Variants in POLA2 observed in about 807,000 individuals in gnomAD.
POLA2 encodes the protein DNA polymerase alpha subunit B.
POLA2 carries 47 observed loss-of-function variants against 82.8 expected under a neutral mutation model. The observed-to-expected ratio is 0.57, with a 90% CI of 0.45 to 0.72. POLA2 has a LOEUF of 0.72. POLA2 is among the 30% of genes least tolerant of loss of function. The pLI is 0.00. For missense variants in POLA2, 634 were observed against 728.1 expected, an observed-to-expected ratio of 0.87 and a Z score of 1.49; for synonymous variants, 287 against 286.8, an observed-to-expected ratio of 1.00 and a Z score of -0.01.
At chr11:65,271,838 GAA>G (rs1213411869) in intron 4 of POLA2, among the ~76,000 whole-genome samples, 1,665 of 83,286 alleles carry the variant, frequency 0.02, 22 homozygotes, top group African/African-American at 0.065. Flanking sequence ...GACTCCGTCT[GAA>G]AAAAAAAAAA....
At chr11:65,266,398 T>TC in intron 1 of POLA2, 184 bp from the exon 2 acceptor site, 1 of 588,072 alleles carries the variant, frequency 1.7e-6, no homozygotes, top group South Asian at 2.1e-5. Flanking sequence ...CTCTTTTGTC[T>TC]CCCCTCAGTG....
chr11:65,264,565 C>A (rs1214958045), intron 1 of POLA2, among the ~76,000 whole-genome samples: 1 of 152,098 alleles, frequency 6.6e-6, no homozygotes, highest in Admixed American at 6.6e-5. Flanking sequence ...TCTGTCCCAC[C>A]CTCACTCTCA....
intron 4 of POLA2, among the ~76,000 whole-genome samples, chr11:65,272,474 T>C (rs537542600): frequency 6.6e-6 from 1 of 152,336 alleles, no homozygotes; most frequent in African/African-American, 2.4e-5. Context: ...ACCTGTACGA[T>C]TGACAGCTGT....
intron 6 of POLA2, among the ~76,000 whole-genome samples, chr11:65,279,262 G>A (rs2137537334): frequency 6.6e-6 from 1 of 152,318 alleles, no homozygotes; most frequent in Middle Eastern, 3.4e-3. Context: ...GTGAGGACTT[G>A]AGTAAAGGGC....
intron 3 of POLA2, among the ~76,000 whole-genome samples, chr11:65,267,965 A>T (rs1949479872): frequency 6.6e-6 from 1 of 150,768 alleles, no homozygotes; most frequent in Admixed American, 6.6e-5. Flanking sequence ...ATAATTTTGT[A>T]TTTTTTTTGG....
chr11:65,269,130 A>G (rs1438351418), intron 4 of POLA2, among the ~76,000 whole-genome samples: 5 of 152,190 alleles, frequency 3.3e-5, no homozygotes, highest in Admixed American at 6.5e-5. Context: ...GAGTTGTTTT[A>G]TCTCTCTGAG....
chr11:65,271,604 A>G (rs572075571), intron 4 of POLA2, among the ~76,000 whole-genome samples: 1 of 152,304 alleles, frequency 6.6e-6, no homozygotes, highest in East Asian at 1.9e-4. Context: ...TCACACCTGT[A>G]ATCCCAGCAC....
intron 7 of POLA2, chr11:65,280,013 C>T (rs1949623960): frequency 5.5e-6 from 1 of 180,706 alleles, no homozygotes; most frequent in Non-Finnish European, 1.1e-5. Context: ...CAGTCTCTCC[C>T]CTGGTTTGGT....
chr11:65,274,908 G>T (rs1367548350), intron 4 of POLA2, among the ~76,000 whole-genome samples: 1 of 152,040 alleles, frequency 6.6e-6, no homozygotes, highest in Non-Finnish European at 1.5e-5. Context: ...GCCCAGGCTG[G>T]TCTTGAACTC....
Position 65,287,860 on chromosome 11 carries a change from A to G in POLA2, c.1131+20A>G, listed in dbSNP as rs1413275822. The G allele has an allele frequency of 3.7e-6, 6 of 1,611,056 alleles. No individual in the cohort carries two copies. The highest frequency in any genetic ancestry group is 5.1e-6 in the Non-Finnish European group (6 of 1,178,422). ...ATCCTGGTAAGAGGCACCAGTGGGA[A>G]AGCTGAGGAGTCAGCCTTGGAAAAT... On this transcript the variant is annotated intron_variant, in intron 11 of 17. Coordinates refer to ENST00000265465, the MANE Select transcript of POLA2 (RefSeq NM_002689.4).
intron 5 of POLA2, among the ~76,000 whole-genome samples, chr11:65,276,621 T>C (rs899977358): frequency 7.2e-5 from 11 of 152,088 alleles, no homozygotes; most frequent in African/African-American, 2.7e-4. Context: ...GAGAATTCCA[T>C]AGGCAAGTGC....
intron 10 of POLA2, among the ~76,000 whole-genome samples, chr11:65,285,574 CAA>C (rs573912827): frequency 6.7e-4 from 42 of 62,924 alleles, no homozygotes; most frequent in Admixed American, 1.1e-3. Flanking sequence ...GATCCTATCT[CAA>C]AAAAAAAAAA....
At chr11:65,283,155 T>C (rs921743107) in intron 10 of POLA2, among the ~76,000 whole-genome samples, 1 of 152,078 alleles carries the variant, frequency 6.6e-6, no homozygotes, top group African/African-American at 2.4e-5. Flanking sequence ...AATTAATTAA[T>C]TTTTTGAAAG....
chr11:65,292,643 TCA>T (rs1290347699), intron 13 of POLA2, among the ~76,000 whole-genome samples: 1 of 152,202 alleles, frequency 6.6e-6, no homozygotes, highest in Non-Finnish European at 1.5e-5. Context: ...AGTGAGCTTC[TCA>T]GTGTCAAAGG....
chr11:65,267,623 TTGTC>T lies in POLA2; in HGVS notation c.296+59_296+62del, dbSNP rs1949475631. On this transcript the variant is annotated intron_variant, in intron 3 of 17. Transcript: ENST00000265465. The stretch of plus-strand genomic sequence containing the variant: ...CAAGCTACATGTTGTATTTTATAAT[TTGTC>T]TGTAGTCGCATGTGTAATTTAAAAA... 6 of 1,164,102 alleles carry T rather than the reference TTGTC, an allele frequency of 5.2e-6. No individual in the cohort carries two copies. The Admixed American group carries it at 1.3e-4, about 24-fold the overall frequency. 72.1% of individuals were successfully genotyped at this position (1,164,102 alleles called of 1,614,324 possible).
chr11:65,275,848 G>C (rs1268661689), intron 4 of POLA2, 44 bp from the exon 5 acceptor site: 9 of 1,087,942 alleles, frequency 8.3e-6, no homozygotes, highest in South Asian at 1.3e-5. Context: ...AATTAGTATT[G>C]GGTCTAGTAG....
chr11:65,296,972 C>T (rs1394532922), intron 17 of POLA2, 148 bp from the exon 18 acceptor site: 2 of 613,702 alleles, frequency 3.3e-6, no homozygotes, highest in Non-Finnish European at 5.6e-6. Context: ...AAAAAAGTGA[C>T]TGAAAATGTG....
rs1274911690 is a variant in POLA2, at chr11:65,294,562, C to A, written c.1370C>A (p.Ser457Tyr). 9 of 1,613,162 alleles carry A rather than the reference C, an allele frequency of 5.6e-6. No individual in the cohort carries two copies. Among genetic ancestry groups the A allele is most frequent in the Non-Finnish European group, 7.6e-6 (9 of 1,179,266 alleles). Residue 457 changes from serine to tyrosine, a missense_variant, in exon 15 of 18, where the codon TCC becomes TAC. Coordinates refer to ENST00000265465, the MANE Select transcript of POLA2 (RefSeq NM_002689.4). ...REDKKQVQFVSEPCSLSINGV... is the reference protein window; with the variant it reads ...REDKKQVQFVYEPCSLSINGV... ...TCATTTTAGCAAGTACAGTTTGTGTCCGAGCCCTGCAGCCTCTCCATAAAC... is the reference window on the plus strand; with the variant it reads ...TCATTTTAGCAAGTACAGTTTGTGTACGAGCCCTGCAGCCTCTCCATAAAC...
At chr11:65,265,590 T>G (rs1949451188) in intron 1 of POLA2, among the ~76,000 whole-genome samples, 1 of 152,000 alleles carries the variant, frequency 6.6e-6, no homozygotes. Context: ...AAGCAATCCT[T>G]CCACCTCAGC....
Sources: allele counts gnomAD v4.1 joint callset (sites outside exome capture counted in the v4.1 genomes callset), GRCh38; gene constraint gnomAD v4.1.1; transcripts MANE v1.5; gene names NCBI Gene and HGNC (gene_info 2026-07-23, HGNC 2026-07-21).